Variants in RUNDC3B observed in about 807,000 individuals in gnomAD.
RUNDC3B encodes RUN domain-containing protein 3B.
Under a neutral mutation model 58.4 loss-of-function variants are expected in RUNDC3B, and 33 were observed. The observed-to-expected ratio is 0.56, with a 90% CI of 0.43 to 0.75. The LOEUF is 0.75. Among genes scored for constraint, RUNDC3B ranks in the 30% least tolerant of loss-of-function variants. The probability of loss-of-function intolerance (pLI) is 0.00; values close to 1 mark genes in which losing one functional copy is unlikely to be tolerated. For synonymous variants in RUNDC3B, 193 were observed against 195.2 expected (o/e 0.99, Z 0.10); for missense variants, 501 against 535.7 (o/e 0.94, Z 0.64).
chr7:87,756,087 T>C (rs1833355498), intron 6 of RUNDC3B, among the ~76,000 whole-genome samples: 1 of 152,146 alleles, frequency 6.6e-6, no homozygotes, highest in South Asian at 2.1e-4. Context: ...CTTGTAAAGA[T>C]TTAGTCAGTT....
chr7:87,667,746 A>G (rs1183527380), intron 2 of RUNDC3B, among the ~76,000 whole-genome samples: 1 of 151,896 alleles, frequency 6.6e-6, no homozygotes, highest in Non-Finnish European at 1.5e-5. Flanking sequence ...AGATAATCAT[A>G]TAGTTTTTGT....
At chr7:87,631,161 A>T (rs1049507287) in intron 1 of RUNDC3B, among the ~76,000 whole-genome samples, 7 of 152,186 alleles carry the variant, frequency 4.6e-5, no homozygotes, top group Admixed American at 1.3e-4. Flanking sequence ...TTGATGGTGC[A>T]TGTAAATTAT....
At chr7:87,725,094 ATTGT>A (rs1383416337) in intron 4 of RUNDC3B, among the ~76,000 whole-genome samples, 1 of 151,944 alleles carries the variant, frequency 6.6e-6, no homozygotes, top group Non-Finnish European at 1.5e-5. Flanking sequence ...TTTTAATGTG[ATTGT>A]TTTTTATTAT....
chr7:87,731,440 A>G (rs766761801), intron 4 of RUNDC3B, among the ~76,000 whole-genome samples: 3 of 152,178 alleles, frequency 2.0e-5, no homozygotes, highest in Non-Finnish European at 2.9e-5. Flanking sequence ...ATGAAAATGG[A>G]CTAAACTCTC....
intron 10 of RUNDC3B, among the ~76,000 whole-genome samples, chr7:87,826,223 C>T (rs751515846): frequency 5.3e-5 from 8 of 151,984 alleles, no homozygotes; most frequent in African/African-American, 1.5e-4. Flanking sequence ...GATTTAATTA[C>T]GGGGGCAGAT....
At chr7:87,770,413 C>T (rs1834213674) in intron 6 of RUNDC3B, among the ~76,000 whole-genome samples, 168 bp from the exon 7 acceptor site, 2 of 151,948 alleles carry the variant, frequency 1.3e-5, no homozygotes, top group African/African-American at 4.8e-5. Flanking sequence ...CCCATGCTAA[C>T]TTGCCATTTT....
At chr7:87,640,551 C>A (rs1229151592) in intron 1 of RUNDC3B, among the ~76,000 whole-genome samples, 1 of 151,996 alleles carries the variant, frequency 6.6e-6, no homozygotes, top group Non-Finnish European at 1.5e-5. Context: ...GGCTATGTTG[C>A]CCAGGGTGGT....
At chr7:87,721,623 T>C (rs1830894489) in intron 4 of RUNDC3B, among the ~76,000 whole-genome samples, 1 of 152,150 alleles carries the variant, frequency 6.6e-6, no homozygotes, top group African/African-American at 2.4e-5. Flanking sequence ...TAAACAAATA[T>C]TAAAGTCTAG....
intron 4 of RUNDC3B, among the ~76,000 whole-genome samples, chr7:87,712,857 T>C (rs1830212139): frequency 1.3e-5 from 2 of 152,140 alleles, no homozygotes; most frequent in Non-Finnish European, 2.9e-5. Context: ...ATACATATAA[T>C]ATTTACACAT....
At chr7:87,805,544 T>G (rs1476417391) in intron 8 of RUNDC3B, among the ~76,000 whole-genome samples, 1 of 152,210 alleles carries the variant, frequency 6.6e-6, no homozygotes, top group African/African-American at 2.4e-5. Flanking sequence ...GACAGTACCT[T>G]AATTTGTCAT....
intron 2 of RUNDC3B, among the ~76,000 whole-genome samples, chr7:87,692,363 A>C (rs1044335575): frequency 1.3e-5 from 2 of 152,212 alleles, no homozygotes; most frequent in Non-Finnish European, 2.9e-5. Context: ...AGGCGAAGGC[A>C]GGAGGATCGC....
intron 6 of RUNDC3B, among the ~76,000 whole-genome samples, chr7:87,748,188 G>A (rs1228520476): frequency 6.6e-6 from 1 of 152,100 alleles, no homozygotes; most frequent in Non-Finnish European, 1.5e-5. Context: ...ATTTTGCTCG[G>A]CTCTCCAGAT....
intron 3 of RUNDC3B, among the ~76,000 whole-genome samples, chr7:87,710,008 A>G (rs1423290447): frequency 6.6e-6 from 1 of 152,084 alleles, no homozygotes; most frequent in African/African-American, 2.4e-5. Flanking sequence ...ATATTTGGTA[A>G]TAGCTTTTAG....
At position 87,832,109 on chromosome 7, in the gene RUNDC3B, G is replaced by A. The variant is rs1487239285; in HGVS notation, c.*2079G>A. On this transcript the variant is annotated 3_prime_UTR_variant, in exon 11 of 11. Transcript: ENST00000394654. ...CAGAGTTCGTTTCACACTAAAGGTA[G>A]TTTGTTACTGTTTGCATGAGGAAAC... is the stretch of plus-strand genomic sequence containing the variant. 2 of 151,850 alleles carry A rather than the reference G, an allele frequency of 1.3e-5. No individual in the cohort carries two copies. Among genetic ancestry groups the A allele is most frequent in the Non-Finnish European group, 2.9e-5 (2 of 67,870 alleles). The allele number at this position is 151,850 out of a possible 1,614,324, so 9.4% of individuals were successfully genotyped here. A position where few individuals can be genotyped will look rare whatever the true frequency, so the allele number is the denominator to read the frequency against.
intron 2 of RUNDC3B, among the ~76,000 whole-genome samples, chr7:87,693,318 T>TAATA (rs958775052): frequency 6.6e-6 from 1 of 152,192 alleles, no homozygotes; most frequent in Non-Finnish European, 1.5e-5. Context: ...ACATTTTATA[T>TAATA]AATATCTAAG....
At position 87,821,700 on chromosome 7, in the gene RUNDC3B, T is replaced by C. The variant is rs1181902349; in HGVS notation, c.1225+5438T>C. On this transcript the variant is annotated intron_variant, in intron 10 of 10. Coordinates refer to ENST00000394654, the MANE Select transcript of RUNDC3B (RefSeq NM_001134405.2). The stretch of plus-strand genomic sequence containing the variant: ...ACTGGTACCAAAACAGAGATATAGA[T>C]CAATGGAACAGAACAGAACCCTCAG... 5.3e-5 allele frequency among the ~76,000 whole-genome samples: 8 copies of C among 152,132 alleles called. No homozygotes were observed. In the East Asian group the frequency reaches 1.2e-3, roughly 22 times the overall value.
chr7:87,709,448 G>T, intron 3 of RUNDC3B: 1 of 985,290 alleles, frequency 1.0e-6, no homozygotes, highest in Non-Finnish European at 1.2e-6. Context: ...GTTCCCCTAG[G>T]CTTACTCAGA....
chr7:87,638,840 G>A (rs1005226863), intron 1 of RUNDC3B, among the ~76,000 whole-genome samples: 10 of 151,848 alleles, frequency 6.6e-5, no homozygotes, highest in Non-Finnish European at 1.2e-4. Flanking sequence ...TTTCTCTGTC[G>A]ACTCCTCAGT....
At chr7:87,762,695 CATT>C (rs980932691) in intron 6 of RUNDC3B, among the ~76,000 whole-genome samples, 5 of 151,332 alleles carry the variant, frequency 3.3e-5, no homozygotes, top group African/African-American at 1.2e-4. Context: ...AATTCAGAGA[CATT>C]ATGTAAGAAA....
Sources: allele counts gnomAD v4.1 joint callset (sites outside exome capture counted in the v4.1 genomes callset), GRCh38; gene constraint gnomAD v4.1.1; transcripts MANE v1.5; gene names NCBI Gene and HGNC (gene_info 2026-07-23, HGNC 2026-07-21).